Variants in SLC16A1 observed in about 807,000 individuals in gnomAD.
The protein encoded by SLC16A1 is solute carrier family 16 member 1.
A neutral mutation model predicts 32.2 loss-of-function variants in SLC16A1; 11 were observed. That is an observed-to-expected ratio of 0.34 (90% CI 0.21 to 0.56). The LOEUF (loss-of-function observed/expected upper bound fraction) is 0.56. SLC16A1 is among the 20% of genes least tolerant of loss of function. The pLI is 0.87. For synonymous variants in SLC16A1, 231 were observed against 226.8 expected (o/e 1.02, Z -0.17); for missense variants, 435 against 615.0 (o/e 0.71, Z 3.10).
At chr1:112,938,977 G>A (rs530144742) in intron 1 of SLC16A1, among the ~76,000 whole-genome samples, 184 of 150,298 alleles carry the variant, frequency 1.2e-3, no homozygotes, top group African/African-American at 3.7e-3. Flanking sequence ...TGCAACCTCC[G>A]CCATCCGGTT....
At position 112,949,291 on chromosome 1, in the gene SLC16A1, C is replaced by T. The variant is rs188952633; in HGVS notation, c.-45+6744G>A. Among the ~76,000 whole-genome samples the T allele has an allele frequency of 6.3e-3, 955 of 152,206 alleles. 30 individuals carry two copies. The highest frequency in any genetic ancestry group is 0.052 in the Admixed American group (798 of 15,298). ...CTCGAACTCTCAACCTCAGGTGATC[C>T]ACTCACCTCGGCCTCCCAAAGTGCT... On this transcript the variant is annotated intron_variant, in intron 1 of 4. Transcript: ENST00000369626.
At chr1:112,915,544 G>A (rs1648472308) in intron 4 of SLC16A1, among the ~76,000 whole-genome samples, 1 of 152,196 alleles carries the variant, frequency 6.6e-6, no homozygotes, top group African/African-American at 2.4e-5. Flanking sequence ...AGCAACTGGA[G>A]AGTTTTAAGA....
chr1:112,920,820 A>G (rs1012252055), intron 3 of SLC16A1, among the ~76,000 whole-genome samples: 9 of 152,018 alleles, frequency 5.9e-5, no homozygotes, highest in Non-Finnish European at 1.2e-4. Context: ...AAAAGACTGA[A>G]TTTTAAAAAT....
At chr1:112,954,231 G>A (rs957808540) in intron 1 of SLC16A1, among the ~76,000 whole-genome samples, 6 of 152,172 alleles carry the variant, frequency 3.9e-5, no homozygotes, top group Admixed American at 3.9e-4. Context: ...TTGAAAACAC[G>A]ATGGGAATGC....
chr1:112,925,763 C>T (rs1648917793), intron 2 of SLC16A1, among the ~76,000 whole-genome samples: 1 of 152,168 alleles, frequency 6.6e-6, no homozygotes, highest in South Asian at 2.1e-4. Flanking sequence ...AAAGTCTTAT[C>T]CAAACATAGA....
chr1:112,915,782 C>T (rs1415351832), intron 4 of SLC16A1, among the ~76,000 whole-genome samples: 1 of 127,744 alleles, frequency 7.8e-6, no homozygotes, highest in Non-Finnish European at 1.7e-5. Flanking sequence ...TGGAAGAAGA[C>T]AGTGATCTCA....
At chr1:112,950,591 C>T (rs1031392260) in intron 1 of SLC16A1, among the ~76,000 whole-genome samples, 10 of 151,912 alleles carry the variant, frequency 6.6e-5, no homozygotes, top group Admixed American at 2.0e-4. Flanking sequence ...GGATCTTACT[C>T]TGCAGGACAA....
At chr1:112,918,432 C>A (rs951064580) in intron 3 of SLC16A1, among the ~76,000 whole-genome samples, 2 of 152,104 alleles carry the variant, frequency 1.3e-5, no homozygotes, top group African/African-American at 4.8e-5. Flanking sequence ...TCTAATCTAA[C>A]AAAATCACCG....
chr1:112,931,055 T>A (rs184195227), intron 1 of SLC16A1, among the ~76,000 whole-genome samples: 9 of 152,308 alleles, frequency 5.9e-5, no homozygotes, highest in Admixed American at 5.9e-4. Context: ...TTTATAAGTT[T>A]TTTACCTTTT....
chr1:112,932,379 G>T (rs571675819), intron 1 of SLC16A1, among the ~76,000 whole-genome samples: 1 of 152,132 alleles, frequency 6.6e-6, no homozygotes, highest in Admixed American at 6.5e-5. Context: ...TACATAAATT[G>T]TTTAAAAATT....
intron 1 of SLC16A1, among the ~76,000 whole-genome samples, chr1:112,947,821 T>A (rs1649754472): frequency 1.3e-5 from 2 of 152,220 alleles, no homozygotes; most frequent in African/African-American, 4.8e-5. Flanking sequence ...TTTTCTTGTT[T>A]GCTTCACCAG....
chr1:112,937,879 G>C (rs950083506), intron 1 of SLC16A1, among the ~76,000 whole-genome samples: 1 of 152,144 alleles, frequency 6.6e-6, no homozygotes, highest in Non-Finnish European at 1.5e-5. Context: ...AAGGATGATA[G>C]AAAACAATAA....
chr1:112,921,927 GC>G (rs1326954763), intron 3 of SLC16A1, 62 bp downstream of exon 3: 1 of 1,551,044 alleles, frequency 6.4e-7, no homozygotes, highest in East Asian at 2.2e-5. Context: ...AAAGATGAAT[GC>G]AGGTAAATAC....
intron 1 of SLC16A1, among the ~76,000 whole-genome samples, chr1:112,937,710 G>C (rs1649353057): frequency 6.6e-6 from 1 of 152,128 alleles, no homozygotes; most frequent in African/African-American, 2.4e-5. Flanking sequence ...GTATGCTAAA[G>C]CCCAGAGGCT....
At chr1:112,931,925 CTA>C (rs1649144911) in intron 1 of SLC16A1, among the ~76,000 whole-genome samples, 1 of 152,148 alleles carries the variant, frequency 6.6e-6, no homozygotes, top group African/African-American at 2.4e-5. Flanking sequence ...TCCACTCAGA[CTA>C]TATTACAGCA....
chr1:112,922,367 C>T, intron 2 of SLC16A1: 2 of 555,664 alleles, frequency 3.6e-6, no homozygotes, highest in Admixed American at 3.1e-5. Flanking sequence ...TACTAAAATA[C>T]AAAAGACCTG....
chr1:112,930,212 G>A (rs564985041), intron 1 of SLC16A1, among the ~76,000 whole-genome samples: 1 of 152,286 alleles, frequency 6.6e-6, no homozygotes, highest in South Asian at 2.1e-4. Context: ...AAGGGCCTTA[G>A]TCTTGTGCAA....
intron 1 of SLC16A1, among the ~76,000 whole-genome samples, chr1:112,953,078 T>G (rs1396160283): frequency 6.6e-6 from 1 of 151,742 alleles, no homozygotes; most frequent in East Asian, 1.9e-4. Context: ...TTCAGCCTGT[T>G]CTCCATATTG....
chr1:112,938,046 A>G (rs145395567), intron 1 of SLC16A1, among the ~76,000 whole-genome samples: 2 of 152,334 alleles, frequency 1.3e-5, no homozygotes, highest in Non-Finnish European at 2.9e-5. Context: ...CCCAAAGAGA[A>G]GAGCTACAAA....
Sources: allele counts gnomAD v4.1 joint callset (sites outside exome capture counted in the v4.1 genomes callset), GRCh38; gene constraint gnomAD v4.1.1; transcripts MANE v1.5; gene names NCBI Gene and HGNC (gene_info 2026-07-23, HGNC 2026-07-21).